TRDN: variants seen among roughly 807,000 people sequenced by gnomAD.
TRDN encodes the protein triadin in skeletal muscle.
In TRDN, 161 loss-of-function variants were observed where a neutral mutation model predicts 149.7. That is an observed-to-expected ratio of 1.08 (90% confidence interval 0.95 to 1.23). TRDN has a LOEUF of 1.23. TRDN is among the 50% of genes most tolerant of loss of function. TRDN has a pLI of 0.00. For missense variants in TRDN, 896 were observed against 823.5 expected (o/e 1.09, Z -1.08); for synonymous variants, 294 against 250.5 (o/e 1.17, Z -1.64).
intron 12 of TRDN, among the ~76,000 whole-genome samples, chr6:123,422,521 C>A (rs191869275): frequency 1.2e-4 from 19 of 152,128 alleles, no homozygotes; most frequent in Admixed American, 3.9e-4. Context: ...ACTCTGAATC[C>A]AACATTCCTC....
chr6:123,627,086 G>A (rs1419776910), intron 1 of TRDN, among the ~76,000 whole-genome samples: 3 of 151,810 alleles, frequency 2.0e-5, no homozygotes, highest in Admixed American at 6.6e-5. Flanking sequence ...CTGCCACCAC[G>A]CCCAGCTGAT....
At chr6:123,539,488 G>A (rs1180046747) in intron 4 of TRDN, among the ~76,000 whole-genome samples, 2 of 152,196 alleles carry the variant, frequency 1.3e-5, no homozygotes, top group African/African-American at 2.4e-5. Flanking sequence ...AAATCTGGCA[G>A]TTTTGTTTTA....
At position 123,218,661 on chromosome 6, in the gene TRDN, G is replaced by T. The variant is rs1267920665; in HGVS notation, c.2130C>A (p.Asp710Glu). The change falls in exon 41 of 41, where the codon GAC becomes GAA. Residue 710 changes from aspartate (D) to glutamate (E), a missense_variant. Physicochemically the swap from Asp to Glu is conservative, Grantham distance 45. Transcript: ENST00000334268. ...YGFQFPFTPADRPGESSGQAN... is the reference protein window; with the variant it reads ...YGFQFPFTPAERPGESSGQAN... Reference sequence around the variant, plus strand: ...CTTGACCAGAGCTCTCTCCAGGGCGGTCTGCAGGAGTGAAAGGAAACTGAA... The same window carrying T: ...CTTGACCAGAGCTCTCTCCAGGGCGTTCTGCAGGAGTGAAAGGAAACTGAA... The T allele has an allele frequency of 1.2e-6, 2 of 1,610,018 alleles. No homozygotes were observed. Among genetic ancestry groups the T allele is most frequent in the East Asian group, 4.5e-5 (2 of 44,764 alleles).
At chr6:123,273,119 T>C in intron 28 of TRDN, 108 bp from the exon 29 acceptor site, 1 of 774,234 alleles carries the variant, frequency 1.3e-6, no homozygotes, top group Non-Finnish European at 2.0e-6. Flanking sequence ...GAAATCTTCA[T>C]ATCATCCTTG....
chr6:123,577,285 C>T (rs2114563802), intron 1 of TRDN, among the ~76,000 whole-genome samples: 1 of 152,154 alleles, frequency 6.6e-6, no homozygotes, highest in East Asian at 1.9e-4. Context: ...TTTTCTGCTC[C>T]TGTCCCTCCT....
intron 2 of TRDN, among the ~76,000 whole-genome samples, chr6:123,558,904 A>G (rs909810057): frequency 2.4e-4 from 36 of 152,360 alleles, no homozygotes; most frequent in Admixed American, 2.0e-3. Context: ...CTCCCCCAGG[A>G]CCTTGCCACA....
intron 1 of TRDN, among the ~76,000 whole-genome samples, chr6:123,574,415 T>C (rs1757397043): frequency 6.6e-6 from 1 of 151,974 alleles, no homozygotes; most frequent in African/African-American, 2.4e-5. Context: ...TCTCATTGAT[T>C]ATTGTGCCAA....
chr6:123,381,290 T>C (rs576906939), intron 16 of TRDN, 80 bp downstream of exon 16: 439 of 1,312,984 alleles, frequency 3.3e-4, no homozygotes, highest in Non-Finnish European at 4.5e-4. Context: ...GGATTCAAAA[T>C]TGCAGGTCTA....
intron 12 of TRDN, among the ~76,000 whole-genome samples, chr6:123,414,046 C>A (rs1773548965): frequency 6.6e-6 from 1 of 152,064 alleles, no homozygotes. Context: ...TTTTCAAATG[C>A]TTTGCTACAC....
intron 38 of TRDN, among the ~76,000 whole-genome samples, chr6:123,233,718 A>T (rs548664901): frequency 6.6e-6 from 1 of 152,198 alleles, no homozygotes; most frequent in South Asian, 2.1e-4. Context: ...TTTTCTCCTA[A>T]AACAAAATCA....
chr6:123,628,427 G>C (rs566816461), intron 1 of TRDN, among the ~76,000 whole-genome samples: 26 of 152,078 alleles, frequency 1.7e-4, no homozygotes, highest in Middle Eastern at 6.8e-3. Context: ...AGCTTGTGGT[G>C]ACCTAAAACA....
intron 9 of TRDN, among the ~76,000 whole-genome samples, chr6:123,478,527 G>A (rs963923918): frequency 1.3e-5 from 2 of 152,186 alleles, no homozygotes; most frequent in African/African-American, 4.8e-5. Context: ...TAAGGAAAAT[G>A]GGAGATGGTG....
At chr6:123,385,061 T>C (rs1477231536) in intron 14 of TRDN, among the ~76,000 whole-genome samples, 2 of 152,190 alleles carry the variant, frequency 1.3e-5, no homozygotes, top group Admixed American at 6.5e-5. Flanking sequence ...TGCCATCTGT[T>C]CAATCCGTCA....
In TRDN at chr6:123,437,370, T is replaced by C. The variant is rs76012073; in HGVS notation, c.1051+693A>G. The C allele has an allele frequency of 8.4e-4, 271 of 323,412 alleles. 3 individuals carry two copies. The East Asian group carries it at 0.02, about 24-fold the overall frequency. The allele number at this position is 323,412 out of a possible 1,614,324, so 20.0% of individuals were successfully genotyped here. ...CACTGTAAATTCTTTCTCTACTTTA[T>C]TGAGATACAGATTTTTTTTTTTTTT... On this transcript the variant is annotated intron_variant, in intron 12 of 40. Coordinates refer to ENST00000334268, the MANE Select transcript of TRDN (RefSeq NM_006073.4).
At chr6:123,264,204 G>C (rs1038478857) in intron 33 of TRDN, among the ~76,000 whole-genome samples, 3 of 152,062 alleles carry the variant, frequency 2.0e-5, no homozygotes, top group Admixed American at 6.6e-5. Context: ...TAAATTGAAA[G>C]TCTTCTGGAA....
chr6:123,426,355 T>C (rs1453222539), intron 12 of TRDN, among the ~76,000 whole-genome samples: 3 of 152,176 alleles, frequency 2.0e-5, no homozygotes, highest in African/African-American at 7.2e-5. Flanking sequence ...TAGGATTCTA[T>C]TTCTAAAACA....
intron 16 of TRDN, among the ~76,000 whole-genome samples, chr6:123,381,026 C>G (rs1054284756): frequency 1.5e-4 from 23 of 152,008 alleles, no homozygotes; most frequent in African/African-American, 5.6e-4. Context: ...AACTTCTAGT[C>G]AATTTTCAAA....
intron 16 of TRDN, among the ~76,000 whole-genome samples, chr6:123,381,078 A>G (rs185156126): frequency 6.6e-5 from 10 of 152,282 alleles, no homozygotes; most frequent in East Asian, 5.8e-4. Context: ...TTACAAAAAC[A>G]TAAGTCAGTT....
intron 24 of TRDN, among the ~76,000 whole-genome samples, chr6:123,303,144 T>C (rs1157013872): frequency 2.0e-5 from 3 of 152,136 alleles, no homozygotes; most frequent in Non-Finnish European, 4.4e-5. Context: ...TAAATGATGA[T>C]GTAAACCACT....
Sources: allele counts gnomAD v4.1 joint callset (sites outside exome capture counted in the v4.1 genomes callset), GRCh38; gene constraint gnomAD v4.1.1; transcripts MANE v1.5; gene names NCBI Gene and HGNC (gene_info 2026-07-23, HGNC 2026-07-21).